PRKCE: variants seen among roughly 807,000 people sequenced by gnomAD.
The protein encoded by PRKCE is protein kinase C epsilon type.
Under a neutral mutation model 85.4 loss-of-function variants are expected in PRKCE, and 16 were observed. The ratio of observed to expected loss-of-function variants is 0.19; its 90% CI spans 0.13 to 0.28. PRKCE has a LOEUF of 0.28. Ranked by LOEUF, PRKCE falls within the 10% of genes least tolerant of loss-of-function variation. The pLI is 1.00. For missense variants in PRKCE, 573 were observed against 975.2 expected (o/e 0.59, Z 5.49); for synonymous variants, 388 against 371.5 (o/e 1.04, Z -0.51).
intron 11 of PRKCE, among the ~76,000 whole-genome samples, chr2:46,143,544 G>A (rs1361965271): frequency 1.3e-5 from 2 of 152,098 alleles, no homozygotes; most frequent in African/African-American, 4.8e-5. Context: ...GTGTCATTCT[G>A]ATTCACCAGA....
chr2:45,828,268 ACT>A (rs1690115533), intron 1 of PRKCE, among the ~76,000 whole-genome samples: 1 of 152,096 alleles, frequency 6.6e-6, no homozygotes, highest in South Asian at 2.1e-4. Flanking sequence ...TCTGTTGAAA[ACT>A]CTATTGATAA....
intron 10 of PRKCE, among the ~76,000 whole-genome samples, chr2:46,054,553 A>G (rs1666376985): frequency 6.6e-6 from 1 of 152,200 alleles, no homozygotes; most frequent in East Asian, 1.9e-4. Flanking sequence ...AGGACAACTC[A>G]TGTCCAAATT....
intron 2 of PRKCE, among the ~76,000 whole-genome samples, chr2:45,962,129 A>G (rs1459040730): frequency 2.0e-5 from 3 of 152,174 alleles, no homozygotes; most frequent in African/African-American, 7.2e-5. Flanking sequence ...AGATTTTTGG[A>G]TTAGGAAAGT....
At chr2:45,968,431 A>G (rs371860378) in intron 2 of PRKCE, among the ~76,000 whole-genome samples, 35 of 152,336 alleles carry the variant, frequency 2.3e-4, no homozygotes, top group African/African-American at 8.2e-4. Flanking sequence ...AGCTAAGGGT[A>G]TGCAAAGGCA....
At chr2:46,074,477 A>G in intron 10 of PRKCE, among the ~76,000 whole-genome samples, 1 of 151,736 alleles carries the variant, frequency 6.6e-6, no homozygotes, top group Non-Finnish European at 1.5e-5. Context: ...AAACAGCAGC[A>G]ACAACAACAA....
intron 10 of PRKCE, among the ~76,000 whole-genome samples, chr2:46,076,762 A>G (rs1237965928): frequency 6.6e-6 from 1 of 152,190 alleles, no homozygotes; most frequent in Admixed American, 6.5e-5. Context: ...TGGCTTATAG[A>G]CAATCATTAT....
intron 1 of PRKCE, among the ~76,000 whole-genome samples, chr2:45,751,474 G>A (rs1683553449): frequency 1.3e-5 from 2 of 148,558 alleles, no homozygotes; most frequent in South Asian, 4.4e-4. Context: ...ATCAAGCATA[G>A]TACCCTGCAT....
chr2:45,735,816 G>C (rs968154144), intron 1 of PRKCE, among the ~76,000 whole-genome samples: 15 of 152,184 alleles, frequency 9.9e-5, no homozygotes, highest in African/African-American at 3.6e-4. Flanking sequence ...AAGGATGAGA[G>C]GATAAAGGCC....
At chr2:45,847,447 C>T (rs1417694916) in intron 2 of PRKCE, among the ~76,000 whole-genome samples, 2 of 152,218 alleles carry the variant, frequency 1.3e-5, no homozygotes, top group East Asian at 1.9e-4. Context: ...CTCAACTTTG[C>T]AACCTCTTCT....
chr2:45,947,155 C>T lies in PRKCE; in HGVS notation c.413-29274C>T, dbSNP rs561462900. The stretch of plus-strand genomic sequence containing the variant: ...TTCAGAAATAAAAAAGAAATGAAGT[C>T]TGAGACATGCTACAATATGGATGAA... On this transcript the variant is annotated intron_variant, in intron 2 of 14. Coordinates refer to ENST00000306156, the MANE Select transcript of PRKCE (RefSeq NM_005400.3). Among the ~76,000 whole-genome samples the T allele has an allele frequency of 3.0e-4, 46 of 152,334 alleles. No individual in the cohort carries two copies. The South Asian group carries it at 9.1e-3, about 30-fold the overall frequency.
chr2:45,977,426 C>T (rs1387662339), intron 3 of PRKCE, among the ~76,000 whole-genome samples: 1 of 151,954 alleles, frequency 6.6e-6, no homozygotes, highest in African/African-American at 2.4e-5. Context: ...TGCTTGAGGT[C>T]AGGAGTTTGA....
chr2:46,070,415 G>C (rs1262796688), intron 10 of PRKCE, among the ~76,000 whole-genome samples: 1 of 152,342 alleles, frequency 6.6e-6, no homozygotes, highest in Non-Finnish European at 1.5e-5. Context: ...AGGCCAAGGA[G>C]GGTGGATCAC....
chr2:46,023,074 A>G (rs1419713114), intron 10 of PRKCE, among the ~76,000 whole-genome samples: 1 of 111,098 alleles, frequency 9.0e-6, no homozygotes, highest in Non-Finnish European at 1.7e-5. Context: ...TGGGCGACAG[A>G]GCGAGACTCC....
chr2:46,016,653 A>T (rs1446386410), intron 10 of PRKCE, among the ~76,000 whole-genome samples: 1 of 152,192 alleles, frequency 6.6e-6, no homozygotes, highest in East Asian at 1.9e-4. Flanking sequence ...TCATGCCTGT[A>T]ACCCCAGCAC....
At chr2:45,694,467 C>G (rs1487696652) in intron 1 of PRKCE, among the ~76,000 whole-genome samples, 1 of 152,180 alleles carries the variant, frequency 6.6e-6, no homozygotes, top group Non-Finnish European at 1.5e-5. Flanking sequence ...TCCAGGCCTT[C>G]CCCATCTAAG....
Position 45,766,857 on chromosome 2 carries a change from C to T in PRKCE, c.349-76143C>T, listed in dbSNP as rs976445407. On this transcript the variant is annotated intron_variant, in intron 1 of 14. Transcript: ENST00000306156. ...GGGTTCGAGACCAGCCTGGGCAACA[C>T]GGTGAAACCCCATCTCTACTAAAAT... Among the ~76,000 whole-genome samples, 59 of 152,088 alleles carry T rather than the reference C, an allele frequency of 3.9e-4. 1 individual carries two copies. Among genetic ancestry groups the T allele is most frequent in the African/African-American group, 1.3e-3 (56 of 41,512 alleles).
chr2:45,882,427 G>A (rs1694955967), intron 2 of PRKCE, among the ~76,000 whole-genome samples: 1 of 152,208 alleles, frequency 6.6e-6, no homozygotes, highest in Non-Finnish European at 1.5e-5. Flanking sequence ...ATAGTAGTCT[G>A]AAGCCTCATT....
chr2:46,128,799 T>C (rs1348771134), intron 11 of PRKCE, among the ~76,000 whole-genome samples: 1 of 152,168 alleles, frequency 6.6e-6, no homozygotes, highest in Non-Finnish European at 1.5e-5. Flanking sequence ...CTAAAGACCT[T>C]CTGCACTGGA....
intron 1 of PRKCE, among the ~76,000 whole-genome samples, chr2:45,708,991 G>A (rs1351557933): frequency 2.0e-5 from 3 of 152,220 alleles, no homozygotes; most frequent in African/African-American, 7.2e-5. Flanking sequence ...ACTATTTGGG[G>A]ATTTACCTGT....
Sources: gnomAD v4.1 joint callset for allele counts (sites outside exome capture counted in the v4.1 genomes callset) on GRCh38, gnomAD v4.1.1 for gene constraint, MANE v1.5 for transcripts, NCBI Gene and HGNC (gene_info 2026-07-23, HGNC 2026-07-21) for gene names.